GRID1: variants seen among roughly 807,000 people sequenced by gnomAD.
GRID1 encodes the protein glutamate receptor ionotropic, delta-1.
A neutral mutation model predicts 98.0 loss-of-function variants in GRID1; 28 were observed. That is an observed-to-expected ratio of 0.29 (90% CI 0.21 to 0.39). GRID1 has a LOEUF of 0.39. Ranked by LOEUF, GRID1 falls within the 10% of genes least tolerant of loss-of-function variation. The pLI is 1.00. For missense variants in GRID1, 1,111 were observed against 1,340.5 expected, an observed-to-expected ratio of 0.83 and a Z score of 2.67; for synonymous variants, 553 against 538.5, an observed-to-expected ratio of 1.03 and a Z score of -0.37.
intron 2 of GRID1, among the ~76,000 whole-genome samples, chr10:86,238,167 G>A (rs148992133): frequency 0.014 from 2,151 of 152,332 alleles, 20 homozygotes; most frequent in Middle Eastern, 0.024. Flanking sequence ...ATGTAAAGAG[G>A]AGCCAAATGT....
chr10:85,674,463 CTTATA>C (rs1046946290), intron 12 of GRID1, among the ~76,000 whole-genome samples: 19 of 152,154 alleles, frequency 1.2e-4, no homozygotes, highest in Admixed American at 4.6e-4. Context: ...ATTAGAAAAG[CTTATA>C]TTATATCTTT....
intron 2 of GRID1, among the ~76,000 whole-genome samples, chr10:86,359,297 T>G (rs1848572616): frequency 6.6e-6 from 1 of 152,072 alleles, no homozygotes; most frequent in Admixed American, 6.6e-5. Flanking sequence ...GGACCTACAA[T>G]TCTCTATAAT....
At chr10:86,202,348 A>G (rs1185943871) in intron 3 of GRID1, among the ~76,000 whole-genome samples, 5 of 152,244 alleles carry the variant, frequency 3.3e-5, no homozygotes, top group Non-Finnish European at 7.3e-5. Flanking sequence ...GATATCTAAG[A>G]GCTCATCATA....
chr10:86,021,061 T>A (rs1403430461), intron 4 of GRID1, among the ~76,000 whole-genome samples: 2 of 151,948 alleles, frequency 1.3e-5, no homozygotes, highest in Non-Finnish European at 2.9e-5. Context: ...CCTGCCTGCC[T>A]GCCTGCCTGC....
At chr10:85,810,994 C>T (rs1393634632) in intron 8 of GRID1, among the ~76,000 whole-genome samples, 1 of 152,168 alleles carries the variant, frequency 6.6e-6, no homozygotes, top group East Asian at 1.9e-4. Flanking sequence ...AGTGAACCAG[C>T]CCTCAAGTTG....
At position 85,869,062 on chromosome 10, in the gene GRID1, C is replaced by G; in HGVS notation, c.899G>C (p.Arg300Pro). The change falls in exon 6 of 16, where the codon CGC becomes CCC. Residue 300 changes from arginine to proline, a missense_variant. Around this residue, in one of 3 missense-constraint regions of GRID1, gnomAD observed 346 missense variants for 452.3 expected, o/e 0.76. Coordinates refer to ENST00000327946, the MANE Select transcript of GRID1 (RefSeq NM_017551.3). ...DNQKCTRNNH[R>P]ISSLLCDPQE... ...GGGGTCGCAGAGCAGGGAGGAGATG[C>G]GGTGGTTGTTCCTCGTGCATTTCTG... The G allele has an allele frequency of 6.2e-7, 1 of 1,613,952 alleles. No homozygotes were observed. The highest frequency in any genetic ancestry group is 1.1e-5 in the South Asian group (1 of 91,066).
intron 8 of GRID1, among the ~76,000 whole-genome samples, chr10:85,798,808 G>T (rs559327396): frequency 2.6e-5 from 4 of 152,004 alleles, no homozygotes; most frequent in Non-Finnish European, 5.9e-5. Flanking sequence ...TCTGCAGGTT[G>T]TCTCTTCACT....
At chr10:85,785,428 GA>G (rs1206445196) in intron 8 of GRID1, among the ~76,000 whole-genome samples, 1 of 152,320 alleles carries the variant, frequency 6.6e-6, no homozygotes, top group Non-Finnish European at 1.5e-5. Flanking sequence ...GACGCGGAAA[GA>G]GACAAGAAAA....
At chr10:86,014,095 A>C (rs1842951844) in intron 4 of GRID1, among the ~76,000 whole-genome samples, 3 of 152,184 alleles carry the variant, frequency 2.0e-5, no homozygotes, top group African/African-American at 7.2e-5. Flanking sequence ...ATAAAGGGTA[A>C]GCTCTCTACT....
chr10:85,887,196 A>G (rs1403030181), intron 5 of GRID1, among the ~76,000 whole-genome samples: 1 of 152,192 alleles, frequency 6.6e-6, no homozygotes, highest in Non-Finnish European at 1.5e-5. Context: ...CCTATAGACC[A>G]CCTAGGGCAA....
chr10:86,221,924 G>A (rs370499210), intron 2 of GRID1, among the ~76,000 whole-genome samples: 16 of 117,188 alleles, frequency 1.4e-4, no homozygotes, highest in African/African-American at 3.3e-4. Flanking sequence ...CTCCTCACCC[G>A]GAAGGAACAG....
chr10:85,883,427 G>A (rs1259823399), intron 5 of GRID1, among the ~76,000 whole-genome samples: 2 of 151,708 alleles, frequency 1.3e-5, no homozygotes, highest in Non-Finnish European at 2.9e-5. Context: ...GCACTTTATT[G>A]TTTCTTGGTT....
chr10:85,829,459 G>T (rs568487892), intron 8 of GRID1, among the ~76,000 whole-genome samples: 29 of 152,100 alleles, frequency 1.9e-4, no homozygotes, highest in Admixed American at 2.6e-4. Flanking sequence ...AGAGCAATCA[G>T]CAAGAGAAAG....
intron 8 of GRID1, among the ~76,000 whole-genome samples, chr10:85,793,519 A>G (rs939119633): frequency 6.6e-6 from 1 of 152,228 alleles, no homozygotes; most frequent in African/African-American, 2.4e-5. Context: ...AGGTCAGGAA[A>G]GACATGACTG....
chr10:85,763,372 G>A (rs187891896), intron 8 of GRID1, among the ~76,000 whole-genome samples: 1 of 152,184 alleles, frequency 6.6e-6, no homozygotes, highest in East Asian at 1.9e-4. Flanking sequence ...GGCTGTAGGG[G>A]GACCCTTTTG....
In GRID1 at chr10:85,778,191, T is replaced by C. The variant is rs559860633; in HGVS notation, c.1234-48577A>G. Reference sequence around the variant, plus strand: ...ACTGGCCCTGGAGGGGCTCTGGAAGTGTCAGAGCAGCTGTGAGAGCTCAGG... The same window carrying C: ...ACTGGCCCTGGAGGGGCTCTGGAAGCGTCAGAGCAGCTGTGAGAGCTCAGG... On this transcript the variant is annotated intron_variant, in intron 8 of 15. Coordinates refer to ENST00000327946, the MANE Select transcript of GRID1 (RefSeq NM_017551.3). Among the ~76,000 whole-genome samples, 27 of 152,238 alleles carry C rather than the reference T, an allele frequency of 1.8e-4. No homozygotes were observed. In the East Asian group the frequency reaches 5.2e-3, roughly 29 times the overall value.
intron 13 of GRID1, among the ~76,000 whole-genome samples, chr10:85,634,249 C>CTTCTCTCTCT (rs1554860991): frequency 4.3e-5 from 4 of 92,314 alleles, no homozygotes; most frequent in Non-Finnish European, 6.2e-5. Flanking sequence ...TGATGGGGCA[C>CTTCTCTCTCT]CTCTCTCTCT....
chr10:86,067,578 G>A (rs1045128329), intron 4 of GRID1, among the ~76,000 whole-genome samples: 1 of 152,202 alleles, frequency 6.6e-6, no homozygotes, highest in Admixed American at 6.5e-5. Flanking sequence ...AATAGGCAAG[G>A]GGAAGGTGAC....
chr10:85,936,496 G>T lies in GRID1; in HGVS notation c.727-20257C>A, dbSNP rs540595668. 5.4e-5 allele frequency among the ~76,000 whole-genome samples: 8 copies of T among 149,324 alleles called. No homozygotes were observed. In the South Asian group the frequency reaches 1.5e-3, roughly 28 times the overall value. On this transcript the variant is annotated intron_variant, in intron 4 of 15. Coordinates refer to ENST00000327946, the MANE Select transcript of GRID1 (RefSeq NM_017551.3). The stretch of plus-strand genomic sequence containing the variant: ...TTATCTAGAAACTCATGTGATAAAT[G>T]CCTTCTAAAAAAGCACCAAACTAAA...
Sources: allele counts gnomAD v4.1 joint callset (sites outside exome capture counted in the v4.1 genomes callset), GRCh38; gene constraint gnomAD v4.1.1; regional missense constraint gnomAD v4.1.1; transcripts MANE v1.5; gene names NCBI Gene and HGNC (gene_info 2026-07-23, HGNC 2026-07-21).